The following CACNG2 variants were observed in gnomAD, a reference collection of about 807,000 sequenced individuals.
CACNG2 encodes calcium voltage-gated channel auxiliary subunit gamma 2.
A neutral mutation model predicts 25.9 loss-of-function variants in CACNG2; 3 were observed. The ratio of observed to expected loss-of-function variants is 0.12; its 90% CI spans 0.05 to 0.30. The LOEUF is 0.30. Ranked by LOEUF, CACNG2 falls within the 10% of genes least tolerant of loss-of-function variation. The probability of loss-of-function intolerance (pLI) is 1.00; values close to 1 mark genes in which losing one functional copy is unlikely to be tolerated. For missense variants in CACNG2, 341 were observed against 432.5 expected (o/e 0.79, Z 1.88); for synonymous variants, 167 against 173.3 (o/e 0.96, Z 0.29).
intron 1 of CACNG2, among the ~76,000 whole-genome samples, chr22:36,668,772 G>C (rs1015698463): frequency 3.1e-4 from 47 of 152,156 alleles, no homozygotes; most frequent in African/African-American, 1.1e-3. Context: ...CTGGGATTAC[G>C]AGGTGGGAGC....
At position 36,665,472 on chromosome 22, in the gene CACNG2, T is replaced by C. The variant is rs117053463; in HGVS notation, c.211+36894A>G. Among the ~76,000 whole-genome samples, 51 of 152,342 alleles carry C rather than the reference T, an allele frequency of 3.3e-4. No individual in the cohort carries two copies. In the East Asian group the frequency reaches 8.9e-3, roughly 26 times the overall value. ...AGTTAGCGTGAGCTGCTTTCATTAT[T>C]TTAAATCTGCTCAGACTACTCCCCT... On this transcript the variant is annotated intron_variant, in intron 1 of 3. Transcript: ENST00000300105.
intron 2 of CACNG2, among the ~76,000 whole-genome samples, chr22:36,570,471 G>A (rs1217629830): frequency 6.6e-6 from 1 of 152,172 alleles, no homozygotes; most frequent in African/African-American, 2.4e-5. Context: ...CCAGAAAGAA[G>A]GCAACAGGCC....
intron 1 of CACNG2, among the ~76,000 whole-genome samples, chr22:36,663,409 A>G: frequency 6.6e-6 from 1 of 152,200 alleles, no homozygotes; most frequent in East Asian, 1.9e-4. Flanking sequence ...TGACTGCTGC[A>G]CACACAAGCA....
chr22:36,607,547 T>C (rs1209902550), intron 1 of CACNG2, among the ~76,000 whole-genome samples: 3 of 152,214 alleles, frequency 2.0e-5, no homozygotes, highest in Admixed American at 1.3e-4. Context: ...CCTGGTCCCC[T>C]TGGTCCATTT....
At chr22:36,678,723 G>A (rs1424576320) in intron 1 of CACNG2, among the ~76,000 whole-genome samples, 3 of 150,344 alleles carry the variant, frequency 2.0e-5, no homozygotes, top group South Asian at 2.1e-4. Flanking sequence ...CGATGGCCAG[G>A]AGCCACCATG....
intron 1 of CACNG2, among the ~76,000 whole-genome samples, chr22:36,603,166 G>A (rs559682519): frequency 5.3e-5 from 8 of 152,304 alleles, no homozygotes; most frequent in East Asian, 3.9e-4. Flanking sequence ...TTGCTGATAT[G>A]GAGAAACTTT....
intron 1 of CACNG2, among the ~76,000 whole-genome samples, chr22:36,607,495 CA>C (rs1312995691): frequency 1.3e-5 from 2 of 152,218 alleles, no homozygotes; most frequent in Non-Finnish European, 2.9e-5. Context: ...TTTCACCTCT[CA>C]GCCTCCCGAA....
At chr22:36,612,957 C>T (rs1222225467) in intron 1 of CACNG2, among the ~76,000 whole-genome samples, 1 of 152,138 alleles carries the variant, frequency 6.6e-6, no homozygotes, top group African/African-American at 2.4e-5. Context: ...ATTCCAGCCC[C>T]AGGAGATGCT....
chr22:36,602,611 C>G (rs1693780062), intron 1 of CACNG2, among the ~76,000 whole-genome samples: 1 of 152,178 alleles, frequency 6.6e-6, no homozygotes, highest in Non-Finnish European at 1.5e-5. Context: ...GTCTTGAACT[C>G]CTGACCTCAG....
At chr22:36,687,332 C>T (rs1349712694) in intron 1 of CACNG2, among the ~76,000 whole-genome samples, 1 of 152,214 alleles carries the variant, frequency 6.6e-6, no homozygotes, top group African/African-American at 2.4e-5. Context: ...TACTTATCAT[C>T]AAATCTAATC....
chr22:36,580,064 G>A (rs150652431), intron 2 of CACNG2, among the ~76,000 whole-genome samples: 7 of 152,312 alleles, frequency 4.6e-5, no homozygotes, highest in East Asian at 1.9e-4. Flanking sequence ...CACTGGGTTC[G>A]GGGCAGGTGC....
intron 1 of CACNG2, among the ~76,000 whole-genome samples, chr22:36,689,046 T>C (rs544003021): frequency 6.6e-6 from 1 of 152,314 alleles, no homozygotes; most frequent in South Asian, 2.1e-4. Context: ...TTATTCGTCC[T>C]GCAGAACCCA....
At position 36,702,760 on chromosome 22, in the gene CACNG2, GAA is replaced by G; in HGVS notation, c.-186_-185del. On this transcript the variant is annotated 5_prime_UTR_variant, in exon 1 of 4. Coordinates refer to ENST00000300105, the MANE Select transcript of CACNG2 (RefSeq NM_006078.5). ...AAAAAGGGAGGTAAGAAAGCTCACG[GAA>G]AAGAGTGTAAATTATAAAGATCACA... 1 of 565,824 alleles carries G rather than the reference GAA, an allele frequency of 1.8e-6. No individual in the cohort carries two copies. 35.1% of individuals were successfully genotyped at this position (565,824 alleles called of 1,614,324 possible).
intron 1 of CACNG2, among the ~76,000 whole-genome samples, chr22:36,657,925 C>T (rs1446712066): frequency 6.6e-6 from 1 of 152,038 alleles, no homozygotes; most frequent in East Asian, 1.9e-4. Context: ...CCAAGCTCTC[C>T]AGAGTGTCTG....
chr22:36,620,555 A>C (rs1212624716), intron 1 of CACNG2, among the ~76,000 whole-genome samples: 1 of 152,266 alleles, frequency 6.6e-6, no homozygotes, highest in Non-Finnish European at 1.5e-5. Flanking sequence ...ACACAGACTT[A>C]TGAGTAAGAC....
At position 36,703,445 on chromosome 22, in the gene CACNG2, G is replaced by A. The variant is rs1043271578; in HGVS notation, c.-869C>T. On this transcript the variant is annotated 5_prime_UTR_variant, in exon 1 of 4. Coordinates refer to ENST00000300105, the MANE Select transcript of CACNG2 (RefSeq NM_006078.5). ...CTGGAAACGAGGGAGCCGGCGTCTT[G>A]CTGCAGGGTGGGCCGCGCGCCTGCC... 3.3e-5 allele frequency: 5 copies of A among 152,728 alleles called. No homozygotes were observed. Among genetic ancestry groups the A allele is most frequent in the Admixed American group, 2.6e-4 (4 of 15,278 alleles). The allele number at this position is 152,728 out of a possible 1,614,324, so 9.5% of individuals were successfully genotyped here. A position where few individuals can be genotyped will look rare whatever the true frequency, so the allele number is the denominator to read the frequency against.
chr22:36,592,348 C>T (rs1935609949), intron 1 of CACNG2, among the ~76,000 whole-genome samples: 1 of 151,534 alleles, frequency 6.6e-6, no homozygotes, highest in African/African-American at 2.4e-5. Context: ...AACGGTGGCA[C>T]GTGGTAGCCA....
chr22:36,657,401 C>T (rs901303922), intron 1 of CACNG2, among the ~76,000 whole-genome samples: 2 of 152,042 alleles, frequency 1.3e-5, no homozygotes, highest in South Asian at 4.2e-4. Context: ...GAAAACAGTC[C>T]CAGCCCTGGA....
At chr22:36,624,649 A>G (rs568759419) in intron 1 of CACNG2, among the ~76,000 whole-genome samples, 2 of 152,222 alleles carry the variant, frequency 1.3e-5, no homozygotes, top group Non-Finnish European at 1.5e-5. Context: ...GGAAAGGTCT[A>G]ATGAACACCT....
Sources: allele counts gnomAD v4.1 joint callset (sites outside exome capture counted in the v4.1 genomes callset), GRCh38; gene constraint gnomAD v4.1.1; transcripts MANE v1.5; gene names NCBI Gene and HGNC (gene_info 2026-07-23, HGNC 2026-07-21).